The following GPT2 variants were observed in gnomAD, a reference collection of about 807,000 sequenced individuals.
GPT2 encodes glutamic--pyruvic transaminase 2.
GPT2 carries 30 observed loss-of-function variants against 56.9 expected under a neutral mutation model. The ratio of observed to expected loss-of-function variants is 0.53; its 90% confidence interval spans 0.39 to 0.72. The LOEUF is 0.72. GPT2 is among the 30% of genes least tolerant of loss of function. The pLI is 0.00. For synonymous variants in GPT2, 271 were observed against 283.1 expected (o/e 0.96, Z 0.43); for missense variants, 542 against 703.4 (o/e 0.77, Z 2.60).
intron 4 of GPT2, among the ~76,000 whole-genome samples, chr16:46,905,741 G>A (rs1380437573): frequency 6.6e-6 from 1 of 152,082 alleles, no homozygotes; most frequent in Non-Finnish European, 1.5e-5. Context: ...TTAACGTACA[G>A]CTGGAATACC....
intron 5 of GPT2, 66 bp from the exon 6 acceptor site, chr16:46,909,617 CG>C: frequency 6.4e-7 from 1 of 1,565,168 alleles, no homozygotes; most frequent in Non-Finnish European, 8.7e-7. Context: ...AGTGGGGCCA[CG>C]GGTGAAAGGC....
At chr16:46,909,071 G>A (rs1960992033) in intron 5 of GPT2, among the ~76,000 whole-genome samples, 1 of 142,014 alleles carries the variant, frequency 7.0e-6, no homozygotes, top group African/African-American at 2.5e-5. Context: ...CAGTAGATGG[G>A]TATTTTATCC....
chr16:46,917,862 A>G (rs1961201234), intron 7 of GPT2, among the ~76,000 whole-genome samples: 1 of 152,196 alleles, frequency 6.6e-6, no homozygotes, highest in South Asian at 2.1e-4. Flanking sequence ...GAGAAAGGGC[A>G]GCAGAGAGAC....
intron 4 of GPT2, among the ~76,000 whole-genome samples, chr16:46,903,094 C>G (rs908028949): frequency 6.6e-6 from 1 of 151,764 alleles, no homozygotes; most frequent in African/African-American, 2.4e-5. Context: ...ACTAAAAATA[C>G]AAAAATTAGC....
chr16:46,899,535 G>C (rs1019942089), intron 3 of GPT2, among the ~76,000 whole-genome samples: 1 of 152,174 alleles, frequency 6.6e-6, no homozygotes, highest in Non-Finnish European at 1.5e-5. Context: ...TCTGAGGGGC[G>C]CTCACTGGGC....
intron 9 of GPT2, among the ~76,000 whole-genome samples, chr16:46,923,054 A>T (rs1435289641): frequency 1.3e-5 from 2 of 152,096 alleles, no homozygotes; most frequent in Non-Finnish European, 2.9e-5. Context: ...ATGATCCCAC[A>T]CTGAGCTCTA....
chr16:46,906,498 G>A (rs1348162365), intron 4 of GPT2, among the ~76,000 whole-genome samples: 1 of 152,212 alleles, frequency 6.6e-6, no homozygotes, highest in Non-Finnish European at 1.5e-5. Context: ...AATCCGAGGA[G>A]GGTGGGTGGA....
At chr16:46,905,872 T>C (rs776840603) in intron 4 of GPT2, among the ~76,000 whole-genome samples, 8 of 152,128 alleles carry the variant, frequency 5.3e-5, no homozygotes, top group Non-Finnish European at 1.2e-4. Context: ...AGTTAACCAC[T>C]GCTCAGCTTC....
intron 6 of GPT2, among the ~76,000 whole-genome samples, chr16:46,913,297 G>A (rs1296454165): frequency 6.6e-6 from 1 of 152,168 alleles, no homozygotes; most frequent in Non-Finnish European, 1.5e-5. Context: ...TTAGCATTTA[G>A]TGAACACAGC....
intron 10 of GPT2, among the ~76,000 whole-genome samples, chr16:46,925,781 G>C (rs1961394333): frequency 6.6e-6 from 1 of 152,014 alleles, no homozygotes; most frequent in African/African-American, 2.4e-5. Flanking sequence ...CTGTGATCAT[G>C]CTACTGCACT....
Position 46,916,659 on chromosome 16 carries a change from T to C in GPT2, c.852T>C (p.Asp284=), listed in dbSNP as rs1407360822. ...TACAAAGCAGAAAGTGCATAGAAGA[T>C]GTGATCCACTTTGCCTGGGAAGAGA... ...GQVQSRKCIE[D]VIHFAWEEKL... The change falls in exon 7 of 12, where the codon GAT becomes GAC. Residue 284 remains aspartate, a synonymous_variant. Transcript: ENST00000340124. 1 of 1,613,976 alleles carries C rather than the reference T, an allele frequency of 6.2e-7. No individual in the cohort carries two copies. The highest frequency in any genetic ancestry group is 1.3e-5 in the African/African-American group (1 of 74,928).
intron 1 of GPT2, 65 bp from the exon 2 acceptor site, chr16:46,884,629 G>T: frequency 7.6e-7 from 1 of 1,312,232 alleles, no homozygotes; most frequent in Non-Finnish European, 9.7e-7. Context: ...CTGGGCTTGT[G>T]TGGGGGAGTG....
chr16:46,893,810 C>A (rs767982224), intron 2 of GPT2, among the ~76,000 whole-genome samples: 2 of 152,106 alleles, frequency 1.3e-5, no homozygotes, highest in African/African-American at 4.8e-5. Context: ...GAAGGTGGCT[C>A]TAGAATGCCG....
chr16:46,889,450 C>T (rs895137336), intron 2 of GPT2, among the ~76,000 whole-genome samples: 10 of 151,680 alleles, frequency 6.6e-5, no homozygotes, highest in African/African-American at 1.7e-4. Context: ...GATGGGATCT[C>T]GCTTATGTTG....
intron 8 of GPT2, among the ~76,000 whole-genome samples, chr16:46,921,756 C>T (rs1177381725): frequency 6.6e-6 from 1 of 152,130 alleles, no homozygotes; most frequent in Non-Finnish European, 1.5e-5. Flanking sequence ...GTGACTCACG[C>T]CTGTAATCCC....
At chr16:46,916,340 C>T (rs559299286) in intron 6 of GPT2, 9 of 233,054 alleles carry the variant, frequency 3.9e-5, no homozygotes, top group South Asian at 8.4e-5. Context: ...AGCGAGACTC[C>T]GTCTCAAAAA....
At chr16:46,907,429 G>T (rs1960953212) in intron 5 of GPT2, among the ~76,000 whole-genome samples, 1 of 152,230 alleles carries the variant, frequency 6.6e-6, no homozygotes, top group Non-Finnish European at 1.5e-5. Flanking sequence ...AGGGTGTTAT[G>T]GGAAGGAGCA....
chr16:46,922,881 G>T (rs1961321265), intron 9 of GPT2, among the ~76,000 whole-genome samples: 1 of 152,172 alleles, frequency 6.6e-6, no homozygotes, highest in Non-Finnish European at 1.5e-5. Context: ...TAATCTAGAA[G>T]TCAGCTCCCA....
intron 10 of GPT2, 65 bp downstream of exon 10, chr16:46,924,609 C>T: frequency 6.4e-7 from 1 of 1,567,082 alleles, no homozygotes; most frequent in Non-Finnish European, 8.7e-7. Flanking sequence ...GGTTGGGGGC[C>T]CCTGCTTATC....
Sources: gnomAD v4.1 joint callset for allele counts (sites outside exome capture counted in the v4.1 genomes callset) on GRCh38, gnomAD v4.1.1 for gene constraint, MANE v1.5 for transcripts, NCBI Gene and HGNC (gene_info 2026-07-23, HGNC 2026-07-21) for gene names.